The following TMEM209 variants were observed in gnomAD, a reference collection of about 807,000 sequenced individuals.
TMEM209 encodes the protein transmembrane protein 209, also known as testicular tissue protein Li 202.
Under a neutral mutation model 76.2 loss-of-function variants are expected in TMEM209, and 65 were observed. The ratio of observed to expected loss-of-function variants is 0.85; its 90% confidence interval spans 0.70 to 1.05. TMEM209 has a LOEUF of 1.05. TMEM209 is among the 50% of genes least tolerant of loss of function. The pLI is 0.00. For missense variants in TMEM209, 623 were observed against 685.5 expected, an observed-to-expected ratio of 0.91 and a Z score of 1.02; for synonymous variants, 239 against 237.6, an observed-to-expected ratio of 1.01 and a Z score of -0.06.
At chr7:130,188,732 G>A (rs1797697212) in intron 6 of TMEM209, among the ~76,000 whole-genome samples, 1 of 151,758 alleles carries the variant, frequency 6.6e-6, no homozygotes, top group South Asian at 2.1e-4. Flanking sequence ...GGAAAATCAT[G>A]AAGAAATCCA....
intron 5 of TMEM209, among the ~76,000 whole-genome samples, chr7:130,199,211 CTTTTTAAT>C (rs1343707984): frequency 2.6e-5 from 4 of 151,702 alleles, no homozygotes; most frequent in African/African-American, 7.3e-5. Flanking sequence ...CCTTTGTCAC[CTTTTTAAT>C]TTTTTTATTT....
intron 6 of TMEM209, among the ~76,000 whole-genome samples, chr7:130,190,544 A>G (rs1196997612): frequency 6.6e-6 from 1 of 151,668 alleles, no homozygotes; most frequent in East Asian, 1.9e-4. Context: ...AAAGGCTAAT[A>G]TTGTAAATTT....
chr7:130,201,376 C>T (rs1798193034), intron 5 of TMEM209, among the ~76,000 whole-genome samples: 1 of 151,890 alleles, frequency 6.6e-6, no homozygotes, highest in South Asian at 2.1e-4. Flanking sequence ...AATGAAGGTT[C>T]CTACTATTCC....
At position 130,175,622 on chromosome 7, in the gene TMEM209, G is replaced by A. The variant is rs944856169; in HGVS notation, c.1247-13C>T. The A allele has an allele frequency of 8.1e-6, 13 of 1,599,912 alleles. No homozygotes were observed. In the Admixed American group the frequency reaches 2.2e-4, roughly 27 times the overall value. Reference sequence around the variant, plus strand: ...CCCTGAGATAGTTCTGTGGCAACAAGGTGAAATTTTTAAAAGCTAAGAGTA... The same window carrying A: ...CCCTGAGATAGTTCTGTGGCAACAAAGTGAAATTTTTAAAAGCTAAGAGTA... On this transcript the variant is annotated splice_polypyrimidine_tract_variant and intron_variant, in intron 10 of 14. Transcript: ENST00000397622.
At position 130,204,410 on chromosome 7, in the gene TMEM209, C is replaced by T. The variant is rs936930705; in HGVS notation, c.4-300G>A. Among the ~76,000 whole-genome samples, 3 of 152,144 alleles carry T rather than the reference C, an allele frequency of 2.0e-5. No homozygotes were observed. The East Asian group carries it at 5.8e-4, about 29-fold the overall frequency. On this transcript the variant is annotated intron_variant, in intron 1 of 14. Coordinates refer to ENST00000397622, the MANE Select transcript of TMEM209 (RefSeq NM_032842.4). ...AGGCTAGAATGCAGTGGCGCGATCT[C>T]GACTCACTGCAACCTCCGCCTCCCG... is the stretch of plus-strand genomic sequence containing the variant.
intron 13 of TMEM209, 87 bp from the exon 14 acceptor site, chr7:130,170,560 C>T: frequency 8.0e-6 from 8 of 999,812 alleles, no homozygotes; most frequent in Non-Finnish European, 1.2e-5. Flanking sequence ...CAATTCATAT[C>T]CTACTAACTC....
chr7:130,204,619 C>A (rs1419675309), intron 1 of TMEM209, among the ~76,000 whole-genome samples: 1 of 152,180 alleles, frequency 6.6e-6, no homozygotes, highest in Non-Finnish European at 1.5e-5. Flanking sequence ...GGATTACAGG[C>A]GTGAGCCACC....
chr7:130,167,149 A>G (rs1796908356), intron 14 of TMEM209, among the ~76,000 whole-genome samples: 1 of 152,156 alleles, frequency 6.6e-6, no homozygotes. Flanking sequence ...GAACTATGAG[A>G]GTAATAACTG....
rs555875443 is a variant in TMEM209 at position 130,165,390 on chromosome 7, T to C, written c.*1061A>G. On this transcript the variant is annotated 3_prime_UTR_variant, in exon 15 of 15. Transcript: ENST00000397622. The stretch of plus-strand genomic sequence containing the variant: ...GATATTTTGAACATATTTAAAAAAT[T>C]TGAAGATAGGATATCACTGTGATCT... 2 of 152,132 alleles carry C rather than the reference T, an allele frequency of 1.3e-5. No homozygotes were observed. The highest frequency in any genetic ancestry group is 2.4e-5 in the African/African-American group (1 of 41,422). 9.4% of individuals were successfully genotyped at this position (152,132 alleles called of 1,614,324 possible). A position where few individuals can be genotyped will look rare whatever the true frequency, so the allele number is the denominator to read the frequency against.
At chr7:130,180,945 A>G (rs1797390482) in intron 9 of TMEM209, among the ~76,000 whole-genome samples, 1 of 152,222 alleles carries the variant, frequency 6.6e-6, no homozygotes, top group Non-Finnish European at 1.5e-5. Context: ...CAGCTCAACA[A>G]TTCCACCCCT....
At chr7:130,173,359 C>A (rs1797135239) in intron 13 of TMEM209, among the ~76,000 whole-genome samples, 1 of 151,976 alleles carries the variant, frequency 6.6e-6, no homozygotes, top group Non-Finnish European at 1.5e-5. Flanking sequence ...AGACATAAGA[C>A]CAAAATGAAA....
In TMEM209 at chr7:130,202,771, T is replaced by C. The variant is rs139068899; in HGVS notation, c.200-108A>G. The C allele has an allele frequency of 1.1e-4, 135 of 1,229,684 alleles. No homozygotes were observed. In the East Asian group the frequency reaches 3.5e-3, roughly 32 times the overall value. 76.2% of individuals were successfully genotyped at this position (1,229,684 alleles called of 1,614,324 possible). On this transcript the variant is annotated intron_variant, in intron 3 of 14. Coordinates refer to ENST00000397622, the MANE Select transcript of TMEM209 (RefSeq NM_032842.4). ...ACTAAAATTACCTTCTTATTCCTCA[T>C]AAAAACTATAATTTAATGAATGTTA...
At position 130,181,648 on chromosome 7, in the gene TMEM209, C is replaced by T. The variant is rs764825753; in HGVS notation, c.1095G>A (p.Met365Ile). 22 of 1,612,414 alleles carry T rather than the reference C, an allele frequency of 1.4e-5. No individual in the cohort carries two copies. The highest frequency in any genetic ancestry group is 1.7e-5 in the Non-Finnish European group (20 of 1,179,274). ...CTCCTATCTGTAGCTCTGGACAACC[C>T]ATTCGTCTCATCTGTGTGCTGACAG... ...IESVSTQMRR[M>I]GCPELQIGEA... Residue 365 changes from methionine (M) to isoleucine (I), a missense_variant, in exon 9 of 15, where the codon ATG (methionine) becomes ATA (isoleucine). Met to Ile is a conservative substitution (Grantham distance 10, BLOSUM62 1). Coordinates refer to ENST00000397622, the MANE Select transcript of TMEM209 (RefSeq NM_032842.4).
intron 12 of TMEM209, 43 bp downstream of exon 12, chr7:130,173,782 T>C: frequency 6.2e-7 from 1 of 1,604,916 alleles, no homozygotes; most frequent in South Asian, 1.1e-5. Context: ...CAGAGATATT[T>C]TGTGTGAAAA....
In TMEM209 at chr7:130,164,959, C is replaced by T. The variant is rs924782907; in HGVS notation, c.*1492G>A. The T allele has an allele frequency of 6.6e-6, 1 of 152,082 alleles. No homozygotes were observed. The highest frequency in any genetic ancestry group is 1.5e-5 in the Non-Finnish European group (1 of 67,996). 9.4% of individuals were successfully genotyped at this position (152,082 alleles called of 1,614,324 possible). On this transcript the variant is annotated 3_prime_UTR_variant, in exon 15 of 15. Coordinates refer to ENST00000397622, the MANE Select transcript of TMEM209 (RefSeq NM_032842.4). Reference sequence around the variant, plus strand: ...CTTTGGACATCAACTTTTAAAAACACGAACAACTTTTTGAAAGACAGAATT... The same window carrying T: ...CTTTGGACATCAACTTTTAAAAACATGAACAACTTTTTGAAAGACAGAATT...
intron 6 of TMEM209, among the ~76,000 whole-genome samples, chr7:130,187,303 G>A (rs1331546595): frequency 2.6e-5 from 4 of 151,812 alleles, no homozygotes; most frequent in African/African-American, 9.7e-5. Flanking sequence ...GAATAATGGA[G>A]CTTGCAAAAA....
intron 5 of TMEM209, among the ~76,000 whole-genome samples, chr7:130,193,765 A>G (rs1337479612): frequency 6.6e-6 from 1 of 151,206 alleles, no homozygotes; most frequent in African/African-American, 2.4e-5. Flanking sequence ...TTCATTCTGT[A>G]TGATACTATA....
At chr7:130,168,191 C>T (rs1796940001) in intron 14 of TMEM209, among the ~76,000 whole-genome samples, 2 of 152,142 alleles carry the variant, frequency 1.3e-5, no homozygotes, top group South Asian at 4.2e-4. Flanking sequence ...TTTGGATCCA[C>T]AGAGGAAAAG....
At chr7:130,173,750 C>T (rs1230015676) in intron 12 of TMEM209, 21 bp from the exon 13 acceptor site, 6 of 1,610,372 alleles carry the variant, frequency 3.7e-6, no homozygotes, top group Non-Finnish European at 5.1e-6. Context: ...AGGCAATATG[C>T]TGCATTAAAA....
Sources: gnomAD v4.1 joint callset for allele counts (sites outside exome capture counted in the v4.1 genomes callset) on GRCh38, gnomAD v4.1.1 for gene constraint, MANE v1.5 for transcripts, NCBI Gene and HGNC (gene_info 2026-07-23, HGNC 2026-07-21) for gene names.